SESTD1: variants seen among roughly 807,000 people sequenced by gnomAD.
SESTD1 encodes the protein SEC14 and spectrin domain containing 1.
SESTD1 carries 43 observed loss-of-function variants against 101.7 expected under a neutral mutation model. The ratio of observed to expected loss-of-function variants is 0.42; its 90% CI spans 0.33 to 0.55. SESTD1 has a LOEUF of 0.55. SESTD1 is among the 20% of genes least tolerant of loss of function. The pLI is 0.07. For missense variants in SESTD1, 647 were observed against 815.1 expected, an observed-to-expected ratio of 0.79 and a Z score of 2.51; for synonymous variants, 283 against 286.8, an observed-to-expected ratio of 0.99 and a Z score of 0.13.
chr2:179,134,700 T>C lies in SESTD1; in HGVS notation c.850-2274A>G, dbSNP rs896536620. Among the ~76,000 whole-genome samples, 3 of 152,152 alleles carry C rather than the reference T, an allele frequency of 2.0e-5. No individual in the cohort carries two copies. The South Asian group carries it at 6.2e-4, about 32-fold the overall frequency. On this transcript the variant is annotated intron_variant, in intron 9 of 17. Coordinates refer to ENST00000428443, the MANE Select transcript of SESTD1 (RefSeq NM_178123.5). ...CTTCTTGGGTCCAATGATGATGTAA[T>C]ACTAATGCTTGTTAATATACTTTAC...
intron 2 of SESTD1, among the ~76,000 whole-genome samples, chr2:179,185,166 C>T (rs188333137): frequency 6.6e-6 from 1 of 151,684 alleles, no homozygotes; most frequent in Non-Finnish European, 1.5e-5. Flanking sequence ...AATATAAATG[C>T]ATATTATCCT....
chr2:179,114,938 G>GT (rs2044594911), intron 16 of SESTD1, 127 bp downstream of exon 16: 1 of 811,512 alleles, frequency 1.2e-6, no homozygotes, highest in African/African-American at 1.7e-5. Flanking sequence ...TAAACAAACC[G>GT]TAACAACGGA....
chr2:179,225,367 G>A (rs1474752727), intron 1 of SESTD1, among the ~76,000 whole-genome samples: 2 of 151,918 alleles, frequency 1.3e-5, no homozygotes, highest in Non-Finnish European at 2.9e-5. Flanking sequence ...AACCTTTACT[G>A]TAATATAAAT....
chr2:179,106,440 G>C lies in SESTD1; in HGVS notation c.*3459C>G, dbSNP rs2044383560. 6.6e-6 allele frequency: 1 copy of C among 152,128 alleles called. No homozygotes were observed. Among genetic ancestry groups the C allele is most frequent in the Non-Finnish European group, 1.5e-5 (1 of 68,018 alleles). 9.4% of individuals were successfully genotyped at this position (152,128 alleles called of 1,614,324 possible). ...AGAATTCTGAACTATTTCTTCAAATGTAGACCATAGATTCAGCTAACTTCA... is the reference window on the plus strand; with the variant it reads ...AGAATTCTGAACTATTTCTTCAAATCTAGACCATAGATTCAGCTAACTTCA... On this transcript the variant is annotated 3_prime_UTR_variant, in exon 18 of 18. Transcript: ENST00000428443.
At chr2:179,200,345 C>T (rs1037854594) in intron 1 of SESTD1, among the ~76,000 whole-genome samples, 11 of 152,042 alleles carry the variant, frequency 7.2e-5, no homozygotes, top group Non-Finnish European at 1.6e-4. Context: ...GGCCATACTG[C>T]CCAAGGTAAT....
At chr2:179,121,992 A>G in intron 12 of SESTD1, 63 bp from the exon 13 acceptor site, 1 of 1,489,796 alleles carries the variant, frequency 6.7e-7, no homozygotes, top group South Asian at 1.4e-5. Flanking sequence ...TCCCTCAAAC[A>G]AATCGTCTCA....
chr2:179,233,503 G>A (rs2047015782), intron 1 of SESTD1, among the ~76,000 whole-genome samples: 1 of 152,100 alleles, frequency 6.6e-6, no homozygotes, highest in South Asian at 2.1e-4. Context: ...ACCCAGGCTG[G>A]AGTGCAGTGG....
chr2:179,246,251 T>C (rs2047228633), intron 1 of SESTD1, among the ~76,000 whole-genome samples: 1 of 44,352 alleles, frequency 2.3e-5, no homozygotes, highest in Admixed American at 4.7e-4. Flanking sequence ...TGAGACTCCA[T>C]CTCAAAAAAA....
intron 15 of SESTD1, 123 bp downstream of exon 15, chr2:179,116,545 T>C: frequency 6.7e-7 from 1 of 1,493,408 alleles, no homozygotes; most frequent in South Asian, 1.1e-5. Flanking sequence ...TTCTTAATTC[T>C]GTGACACTTC....
In SESTD1 at chr2:179,214,472, A is replaced by G. The variant is rs1258373445; in HGVS notation, c.-25-22606T>C. On this transcript the variant is annotated intron_variant, in intron 1 of 17. Coordinates refer to ENST00000428443, the MANE Select transcript of SESTD1 (RefSeq NM_178123.5). ...TAAATATATATGCACCCAATACAGG[A>G]GCACCCAGATTCATAAAGCAAATCC... 5.2e-5 allele frequency among the ~76,000 whole-genome samples: 7 copies of G among 134,618 alleles called. 3 individuals are homozygous for G. Among genetic ancestry groups the G allele is most frequent in the Non-Finnish European group, 1.1e-4 (7 of 62,678 alleles). 88.3% of individuals were successfully genotyped at this position (134,618 alleles called of 152,430 possible).
intron 3 of SESTD1, among the ~76,000 whole-genome samples, chr2:179,180,762 T>C (rs1344149509): frequency 6.6e-6 from 1 of 152,146 alleles, no homozygotes; most frequent in Non-Finnish European, 1.5e-5. Context: ...ATGAAAAACA[T>C]TGGTTTTAAG....
At chr2:179,228,868 T>C (rs1232572236) in intron 1 of SESTD1, among the ~76,000 whole-genome samples, 1 of 152,090 alleles carries the variant, frequency 6.6e-6, no homozygotes, top group East Asian at 1.9e-4. Context: ...CCCTAACCTA[T>C]TAGAGAGGAC....
chr2:179,167,399 A>G (rs889165490), intron 5 of SESTD1, among the ~76,000 whole-genome samples: 7 of 152,228 alleles, frequency 4.6e-5, no homozygotes, highest in Admixed American at 4.6e-4. Context: ...GAAAATTTCA[A>G]ATATTTTATC....
At chr2:179,164,351 T>C (rs1489109466) in intron 5 of SESTD1, among the ~76,000 whole-genome samples, 3 of 152,140 alleles carry the variant, frequency 2.0e-5, no homozygotes, top group East Asian at 1.9e-4. Context: ...TAAAGCAATT[T>C]AGAATGGGTG....
intron 2 of SESTD1, among the ~76,000 whole-genome samples, chr2:179,186,358 T>G (rs1242070248): frequency 6.6e-6 from 1 of 152,112 alleles, no homozygotes; most frequent in Non-Finnish European, 1.5e-5. Context: ...TCATCTTAGC[T>G]GATACACACT....
intron 1 of SESTD1, among the ~76,000 whole-genome samples, chr2:179,243,961 TACAC>T (rs1220156890): frequency 4.0e-4 from 58 of 144,062 alleles, no homozygotes; most frequent in Admixed American, 7.6e-4. Flanking sequence ...TATATATATA[TACAC>T]ACACACACAC....
At chr2:179,173,990 T>A (rs1002263676) in intron 4 of SESTD1, among the ~76,000 whole-genome samples, 4 of 152,158 alleles carry the variant, frequency 2.6e-5, no homozygotes, top group African/African-American at 9.7e-5. Flanking sequence ...AAATCTAGCA[T>A]CCTCTGCAAC....
At chr2:179,157,029 C>T (rs967367058) in intron 5 of SESTD1, among the ~76,000 whole-genome samples, 5 of 152,126 alleles carry the variant, frequency 3.3e-5, no homozygotes, top group African/African-American at 1.2e-4. Context: ...CAGTTTCATT[C>T]TCCTACATGT....
chr2:179,160,955 A>T (rs2045724587), intron 5 of SESTD1, among the ~76,000 whole-genome samples: 1 of 152,074 alleles, frequency 6.6e-6, no homozygotes, highest in South Asian at 2.1e-4. Context: ...TTTTAGAGAC[A>T]GGGTCTCTCT....
Sources: allele counts gnomAD v4.1 joint callset (sites outside exome capture counted in the v4.1 genomes callset), GRCh38; gene constraint gnomAD v4.1.1; transcripts MANE v1.5; gene names NCBI Gene and HGNC (gene_info 2026-07-23, HGNC 2026-07-21).